Variants in SLC4A4 observed in about 807,000 individuals in gnomAD.
The protein encoded by SLC4A4 is electrogenic sodium bicarbonate cotransporter 1.
A neutral mutation model predicts 111.5 loss-of-function variants in SLC4A4; 27 were observed. The observed-to-expected ratio is 0.24, with a 90% CI of 0.18 to 0.33. SLC4A4 has a LOEUF of 0.33. SLC4A4 is among the 10% of genes least tolerant of loss of function. The pLI is 1.00. For missense variants in SLC4A4, 909 were observed against 1,315.5 expected, an observed-to-expected ratio of 0.69 and a Z score of 4.78; for synonymous variants, 443 against 463.4, an observed-to-expected ratio of 0.96 and a Z score of 0.57.
At chr4:71,349,797 C>A in intron 4 of SLC4A4, 115 bp from the exon 5 acceptor site, 1 of 897,280 alleles carries the variant, frequency 1.1e-6, no homozygotes, top group Non-Finnish European at 1.8e-6. Context: ...TAATACTCCA[C>A]AAAAAGAGAC....
rs556978196 is a variant in SLC4A4, at chr4:71,262,817, C to A, written c.253+7418C>A. Among the ~76,000 whole-genome samples the A allele has an allele frequency of 1.5e-4, 23 of 149,174 alleles. No individual in the cohort carries two copies. In the South Asian group the frequency reaches 4.6e-3, roughly 30 times the overall value. ...TCCCCTTTCCCCCCGGGTGTCATTT[C>A]TTTGGGAATAGAAAAATGACCTTGT... On this transcript the variant is annotated intron_variant, in intron 3 of 25. Coordinates refer to ENST00000264485, the MANE Select transcript of SLC4A4 (RefSeq NM_001098484.3).
At chr4:71,172,501 G>C (rs560512540) in intron 2 of SLC4A4, among the ~76,000 whole-genome samples, 2 of 152,094 alleles carry the variant, frequency 1.3e-5, no homozygotes, top group African/African-American at 2.4e-5. Context: ...TGATCTGCCC[G>C]CCTCAGCCTC....
intron 3 of SLC4A4, among the ~76,000 whole-genome samples, chr4:71,267,794 A>AAAAAAAAAAAAAG (rs1303916841): frequency 0.01 from 221 of 21,676 alleles, 10 homozygotes; most frequent in Non-Finnish European, 0.082. Flanking sequence ...AGTCTGCCAA[A>AAAAAAAAAAAAAG]AAAAAAAAAA....
At chr4:71,129,784 C>CAAAAAAAAAAAAAAAAA (rs35737857) in intron 2 of SLC4A4, among the ~76,000 whole-genome samples, 1 of 75,582 alleles carries the variant, frequency 1.3e-5, no homozygotes. Context: ...TACCATGCAC[C>CAAAAAAAAAAAAAAAAA]AAAAAAAAAA....
chr4:71,338,944 G>C (rs1245401232), intron 3 of SLC4A4: 3 of 726,332 alleles, frequency 4.1e-6, no homozygotes, highest in African/African-American at 1.8e-5. Flanking sequence ...CGGGGACTTG[G>C]GGGATCTCAG....
intron 7 of SLC4A4, among the ~76,000 whole-genome samples, chr4:71,407,119 A>G (rs549206555): frequency 2.0e-4 from 30 of 152,136 alleles, no homozygotes; most frequent in Non-Finnish European, 4.0e-4. Flanking sequence ...GGGTCTTTTT[A>G]GGTCCCTGAA....
chr4:71,395,125 T>G (rs1719692736), intron 6 of SLC4A4, among the ~76,000 whole-genome samples: 2 of 152,140 alleles, frequency 1.3e-5, no homozygotes, highest in South Asian at 4.1e-4. Context: ...TCTGCCTTTC[T>G]AACAAGCGTA....
chr4:71,522,200 C>G (rs1386863521), intron 16 of SLC4A4, among the ~76,000 whole-genome samples: 4 of 152,188 alleles, frequency 2.6e-5, no homozygotes, highest in Non-Finnish European at 5.9e-5. Context: ...TGTAACTGGT[C>G]TGTTCTATCA....
At chr4:71,419,745 C>G (rs528615012) in intron 7 of SLC4A4, among the ~76,000 whole-genome samples, 1 of 152,202 alleles carries the variant, frequency 6.6e-6, no homozygotes, top group South Asian at 2.1e-4. Flanking sequence ...GAGATGAACC[C>G]GGTACCTCAG....
chr4:71,356,925 G>A, intron 5 of SLC4A4, 83 bp from the exon 6 acceptor site: 2 of 1,238,662 alleles, frequency 1.6e-6, no homozygotes, highest in South Asian at 2.6e-5. Context: ...AAATTTGAGG[G>A]TGACATCCAT....
chr4:71,083,422 C>G (rs1011719011), intron 1 of SLC4A4, among the ~76,000 whole-genome samples: 2 of 151,826 alleles, frequency 1.3e-5, no homozygotes, highest in Non-Finnish European at 2.9e-5. Flanking sequence ...TTTAAATTCC[C>G]TTTTTTCCTA....
chr4:71,558,466 A>G (rs1209668640), intron 22 of SLC4A4, among the ~76,000 whole-genome samples: 1 of 151,978 alleles, frequency 6.6e-6, no homozygotes, highest in East Asian at 1.9e-4. Flanking sequence ...ATGAGAAACA[A>G]GGTAAAGCAA....
At chr4:71,149,944 T>G (rs1202091790) in intron 2 of SLC4A4, among the ~76,000 whole-genome samples, 1 of 152,196 alleles carries the variant, frequency 6.6e-6, no homozygotes, top group African/African-American at 2.4e-5. Flanking sequence ...ATTCCTTTTT[T>G]TAAAACTAAT....
chr4:71,379,508 C>A (rs2148947853), intron 6 of SLC4A4, among the ~76,000 whole-genome samples: 1 of 152,210 alleles, frequency 6.6e-6, no homozygotes, highest in East Asian at 1.9e-4. Flanking sequence ...ATCATCTCCT[C>A]CTCCTCCCAT....
chr4:71,449,067 G>T (rs1006248129), intron 9 of SLC4A4, among the ~76,000 whole-genome samples: 2 of 152,146 alleles, frequency 1.3e-5, no homozygotes, highest in Non-Finnish European at 2.9e-5. Context: ...AACAATTTGG[G>T]ATTTATTTGG....
intron 2 of SLC4A4, among the ~76,000 whole-genome samples, chr4:71,098,300 T>A (rs1017608695): frequency 6.6e-6 from 1 of 152,194 alleles, no homozygotes; most frequent in African/African-American, 2.4e-5. Flanking sequence ...CCCCGTTGCT[T>A]GCTTTTGTCA....
chr4:71,129,238 A>G (rs1455475580), intron 2 of SLC4A4, among the ~76,000 whole-genome samples: 1 of 152,228 alleles, frequency 6.6e-6, no homozygotes, highest in Non-Finnish European at 1.5e-5. Context: ...TAACATCCAG[A>G]ATCTGTTAGG....
chr4:71,246,746 G>GTT (rs35778864), intron 2 of SLC4A4, among the ~76,000 whole-genome samples: 5 of 151,860 alleles, frequency 3.3e-5, no homozygotes, highest in East Asian at 1.9e-4. Context: ...TCTTTTGGCT[G>GTT]TTTTTTCCAG....
chr4:71,418,455 C>T (rs1404904714), intron 7 of SLC4A4, among the ~76,000 whole-genome samples: 1 of 152,206 alleles, frequency 6.6e-6, no homozygotes, highest in Non-Finnish European at 1.5e-5. Context: ...TTCATACACA[C>T]TGGAAATCTC....
Sources: allele counts gnomAD v4.1 joint callset (sites outside exome capture counted in the v4.1 genomes callset), GRCh38; gene constraint gnomAD v4.1.1; transcripts MANE v1.5; gene names NCBI Gene and HGNC (gene_info 2026-07-23, HGNC 2026-07-21).